SDK1: variants seen among roughly 807,000 people sequenced by gnomAD.
SDK1 encodes sidekick cell adhesion molecule 1, also known as protein sidekick-1.
A neutral mutation model predicts 245.5 loss-of-function variants in SDK1; 157 were observed. The ratio of observed to expected loss-of-function variants is 0.64; its 90% CI spans 0.56 to 0.73. The LOEUF (loss-of-function observed/expected upper bound fraction) is 0.73, where lower values mean the gene tolerates loss of function less well. SDK1 is among the 30% of genes least tolerant of loss of function. SDK1 has a pLI of 0.00. For missense variants in SDK1, 3,583 were observed against 3,002.3 expected (o/e 1.19, Z -4.52); for synonymous variants, 1,647 against 1,278.5 (o/e 1.29, Z -6.15).
chr7:3,435,928 A>G (rs144825022), intron 1 of SDK1, among the ~76,000 whole-genome samples: 1 of 152,358 alleles, frequency 6.6e-6, no homozygotes, highest in East Asian at 1.9e-4. Flanking sequence ...AGGTTCTTCT[A>G]TTGGATGTAG....
At chr7:3,637,872 G>A (rs867645853) in intron 2 of SDK1, among the ~76,000 whole-genome samples, 18 of 152,234 alleles carry the variant, frequency 1.2e-4, no homozygotes, top group Middle Eastern at 3.2e-3. Context: ...GGAGAGAGAC[G>A]CCCTGATGGC....
At chr7:4,195,724 CT>C (rs2128224088) in intron 35 of SDK1, among the ~76,000 whole-genome samples, 1 of 152,312 alleles carries the variant, frequency 6.6e-6, no homozygotes, top group East Asian at 1.9e-4. Context: ...GCTCAATCTC[CT>C]TGCCTGCAGG....
At chr7:3,369,501 TTACA>T (rs1781171017) in intron 1 of SDK1, among the ~76,000 whole-genome samples, 1 of 152,194 alleles carries the variant, frequency 6.6e-6, no homozygotes, top group Admixed American at 6.5e-5. Flanking sequence ...TTGCCAACTC[TTACA>T]TACAGAGTGT....
At chr7:3,444,626 C>T (rs1048723977) in intron 1 of SDK1, among the ~76,000 whole-genome samples, 10 of 152,124 alleles carry the variant, frequency 6.6e-5, no homozygotes, top group Admixed American at 2.0e-4. Flanking sequence ...TAGATGGCCC[C>T]ACCTCTCTGT....
Position 4,175,420 on chromosome 7 carries a change from G to A in SDK1, c.4937-355G>A, listed in dbSNP as rs573647001. 6.6e-5 allele frequency among the ~76,000 whole-genome samples: 10 copies of A among 152,362 alleles called. No homozygotes were observed. The South Asian group carries it at 8.3e-4, about 13-fold the overall frequency. On this transcript the variant is annotated intron_variant, in intron 33 of 44. Coordinates refer to ENST00000404826, the MANE Select transcript of SDK1 (RefSeq NM_152744.4). ...GGCTCCTCCAGCCGGGGCTCCCTGC[G>A]TGAGCATGAGTCAGCTGCACCTGCC...
At chr7:3,793,134 C>T (rs1778857951) in intron 4 of SDK1, among the ~76,000 whole-genome samples, 1 of 152,078 alleles carries the variant, frequency 6.6e-6, no homozygotes, top group Non-Finnish European at 1.5e-5. Flanking sequence ...AAAATATCTA[C>T]CCAAATGTCC....
chr7:4,047,727 T>A (rs1789123781), intron 17 of SDK1, among the ~76,000 whole-genome samples: 1 of 152,226 alleles, frequency 6.6e-6, no homozygotes, highest in Non-Finnish European at 1.5e-5. Flanking sequence ...GGACCCATCC[T>A]GACTCCTTGG....
Position 4,205,905 on chromosome 7 carries a change from C to T in SDK1, c.5125C>T (p.Gln1709Ter). 2 of 1,557,098 alleles carry T rather than the reference C, an allele frequency of 1.3e-6. No homozygotes were observed. Among genetic ancestry groups the T allele is most frequent in the Non-Finnish European group, 1.7e-6 (2 of 1,149,834 alleles). ...AAPAMAPQNV[Q>*]VTPLTASQLE... Reference sequence around the variant, plus strand: ...CCCGGCCATGGCCCCGCAGAACGTGCAGGTGACCCCACTCACGGCCAGCCA... The same window carrying T: ...CCCGGCCATGGCCCCGCAGAACGTGTAGGTGACCCCACTCACGGCCAGCCA... The change falls in exon 36 of 45, where the codon CAG (glutamine) becomes TAG (stop). Residue 1709 changes from glutamine to a stop codon, truncating the protein, a stop_gained. Transcript: ENST00000404826. LOFTEE classifies it high-confidence loss of function.
chr7:3,929,351 T>C lies in SDK1; in HGVS notation c.848-21572T>C, dbSNP rs1779894389. Among the ~76,000 whole-genome samples the C allele has an allele frequency of 2.6e-5, 4 of 152,244 alleles. No homozygotes were observed. The South Asian group carries it at 8.3e-4, about 31-fold the overall frequency. ...CCAGCTTGAACACGATTGATCTTCA[T>C]GCACCAGGCACTCACACCTGCCCAT... is the stretch of plus-strand genomic sequence containing the variant. On this transcript the variant is annotated intron_variant, in intron 5 of 44. Transcript: ENST00000404826.
intron 4 of SDK1, among the ~76,000 whole-genome samples, chr7:3,729,246 C>T (rs923189181): frequency 1.3e-5 from 2 of 152,130 alleles, no homozygotes; most frequent in African/African-American, 4.8e-5. Context: ...GCGGAGTTAG[C>T]ATTTAGATAT....
At chr7:3,489,954 C>T (rs1350313615) in intron 1 of SDK1, among the ~76,000 whole-genome samples, 1 of 151,922 alleles carries the variant, frequency 6.6e-6, no homozygotes, top group Non-Finnish European at 1.5e-5. Flanking sequence ...AAGGCTAATA[C>T]ATTTGGAGAA....
intron 4 of SDK1, among the ~76,000 whole-genome samples, chr7:3,654,717 C>T (rs1783109530): frequency 6.6e-6 from 1 of 152,134 alleles, no homozygotes; most frequent in African/African-American, 2.4e-5. Flanking sequence ...GTGAATAGCC[C>T]AAGAGCATGG....
At chr7:3,341,241 C>T (rs1314890875) in intron 1 of SDK1, among the ~76,000 whole-genome samples, 1 of 152,176 alleles carries the variant, frequency 6.6e-6, no homozygotes, top group East Asian at 1.9e-4. Context: ...CCCACCATAT[C>T]AACAGACCAA....
At chr7:3,813,335 CCCACCTATG>C (rs1462125699) in intron 4 of SDK1, among the ~76,000 whole-genome samples, 2 of 144,734 alleles carry the variant, frequency 1.4e-5, no homozygotes, top group Non-Finnish European at 3.0e-5. Flanking sequence ...TTGTTCATTT[CCCACCTATG>C]AGTGAGAATA....
chr7:4,210,468 A>G lies in SDK1; in HGVS notation c.5539+306A>G, dbSNP rs532847858. On this transcript the variant is annotated intron_variant, in intron 38 of 44. Coordinates refer to ENST00000404826, the MANE Select transcript of SDK1 (RefSeq NM_152744.4). ...CTTGATCCTGTCTCTGTCACACTCAAGACATTCCTCTCCTATTCCTCCCGA... is the reference window on the plus strand; with the variant it reads ...CTTGATCCTGTCTCTGTCACACTCAGGACATTCCTCTCCTATTCCTCCCGA... 1.7e-3 allele frequency among the ~76,000 whole-genome samples: 263 copies of G among 152,178 alleles called. 4 individuals are homozygous for G. The highest frequency in any genetic ancestry group is 6.2e-3 in the African/African-American group (256 of 41,518).
intron 22 of SDK1, among the ~76,000 whole-genome samples, chr7:4,094,771 G>A (rs1472460048): frequency 6.6e-6 from 1 of 152,122 alleles, no homozygotes; most frequent in Non-Finnish European, 1.5e-5. Context: ...CAGGAGAATC[G>A]GGTCACTCAA....
chr7:3,390,750 A>G (rs1010121777), intron 1 of SDK1, among the ~76,000 whole-genome samples: 2 of 152,146 alleles, frequency 1.3e-5, no homozygotes, highest in Non-Finnish European at 2.9e-5. Flanking sequence ...AGGTGGAACA[A>G]ATTCTCCCTT....
At chr7:3,644,243 T>TTTTA (rs1554301746) in intron 4 of SDK1, among the ~76,000 whole-genome samples, 5 of 145,290 alleles carry the variant, frequency 3.4e-5, no homozygotes, top group Non-Finnish European at 6.0e-5. Flanking sequence ...GAACAAAAAT[T>TTTTA]TATATATATA....
At chr7:3,817,929 G>A (rs963746637) in intron 4 of SDK1, among the ~76,000 whole-genome samples, 3 of 152,192 alleles carry the variant, frequency 2.0e-5, no homozygotes, top group Admixed American at 2.0e-4. Flanking sequence ...ATCAGTCTCA[G>A]CAATGAAAAG....
Sources: gnomAD v4.1 joint callset for allele counts (sites outside exome capture counted in the v4.1 genomes callset) on GRCh38, gnomAD v4.1.1 for gene constraint, MANE v1.5 for transcripts, NCBI Gene and HGNC (gene_info 2026-07-23, HGNC 2026-07-21) for gene names.